The following TRAF5 variants were observed in gnomAD, a reference collection of about 807,000 sequenced individuals.
TRAF5 encodes the protein TNF receptor associated factor 5.
Under a neutral mutation model 64.5 loss-of-function variants are expected in TRAF5, and 48 were observed. The observed-to-expected ratio is 0.74, with a 90% CI of 0.59 to 0.95. The LOEUF is 0.95. Among genes scored for constraint, TRAF5 ranks in the 40% least tolerant of loss-of-function variants. The probability of loss-of-function intolerance (pLI) is 0.00; values close to 1 mark genes in which losing one functional copy is unlikely to be tolerated. For missense variants in TRAF5, 545 were observed against 662.8 expected (o/e 0.82, Z 1.95); for synonymous variants, 206 against 240.5 (o/e 0.86, Z 1.33).
At chr1:211,340,386 G>A (rs571194165) in intron 1 of TRAF5, among the ~76,000 whole-genome samples, 1 of 152,292 alleles carries the variant, frequency 6.6e-6, no homozygotes, top group East Asian at 1.9e-4. Context: ...TTGGGTTCAA[G>A]TGATTCTCCT....
At chr1:211,326,724 C>T (rs937759531), upstream of TRAF5, 8 of 986,040 alleles carry the variant, frequency 8.1e-6, no homozygotes, top group Non-Finnish European at 7.2e-6. This position sits in a 1 kb window ranked among gnomAD's most constrained non-coding sequence, Gnocchi z 5.0. Context: ...TCCTCCCGAC[C>T]CCTTCCTGCG....
At chr1:211,361,396 T>G (rs568386154) in intron 7 of TRAF5, among the ~76,000 whole-genome samples, 5 of 152,294 alleles carry the variant, frequency 3.3e-5, no homozygotes, top group African/African-American at 1.2e-4. Context: ...AAGTCCAAAA[T>G]CTGCAGGGCA....
chr1:211,334,946 C>T (rs1189611573), intron 1 of TRAF5, among the ~76,000 whole-genome samples: 1 of 152,210 alleles, frequency 6.6e-6, no homozygotes, highest in Non-Finnish European at 1.5e-5. Context: ...AACCAGAAGA[C>T]CTGGGTTTCA....
rs115867302 is a variant in TRAF5, at chr1:211,335,066, T to C, written c.-2+8177T>C. Among the ~76,000 whole-genome samples the C allele has an allele frequency of 4.5e-3, 692 of 152,322 alleles. 3 individuals are homozygous for C. Among genetic ancestry groups the C allele is most frequent in the Non-Finnish European group, 7.7e-3 (525 of 68,026 alleles). On this transcript the variant is annotated intron_variant, in intron 1 of 10. Transcript: ENST00000261464. ...CTTGCTTGTAGGTCTCAATGGTGAC[T>C]AAAGACCAAAGGAAATGATATAGTT...
chr1:211,360,837 TGTG>T (rs2102757190), intron 6 of TRAF5, 58 bp downstream of exon 6: 1 of 1,503,754 alleles, frequency 6.7e-7, no homozygotes, highest in East Asian at 2.3e-5. Context: ...TAGTAATCAT[TGTG>T]GTCTGTGTTT....
At position 211,361,232 on chromosome 1, in the gene TRAF5, C is replaced by T. The variant is rs890178645; in HGVS notation, c.696+70C>T. The T allele has an allele frequency of 1.5e-4, 206 of 1,389,702 alleles. 1 individual carries two copies. The highest frequency in any genetic ancestry group is 1.5e-4 in the Non-Finnish European group (151 of 979,584). 86.1% of individuals were successfully genotyped at this position (1,389,702 alleles called of 1,614,324 possible). A position where few individuals can be genotyped will look rare whatever the true frequency, so the allele number is the denominator to read the frequency against. On this transcript the variant is annotated intron_variant, in intron 7 of 10. Transcript: ENST00000261464. ...ATTCACTTGGCAAGTTCAGTTTACTCTCTGTTCCATCGAGGATGGAGAAAG... is the reference window on the plus strand; with the variant it reads ...ATTCACTTGGCAAGTTCAGTTTACTTTCTGTTCCATCGAGGATGGAGAAAG...
chr1:211,328,098 G>T (rs1363516614), intron 1 of TRAF5, among the ~76,000 whole-genome samples: 1 of 152,218 alleles, frequency 6.6e-6, no homozygotes, highest in Admixed American at 6.5e-5. Context: ...ATTTTAGGCA[G>T]CAAAAGGCTG....
chr1:211,342,733 C>T (rs1488066520), intron 1 of TRAF5, among the ~76,000 whole-genome samples: 1 of 152,198 alleles, frequency 6.6e-6, no homozygotes, highest in East Asian at 1.9e-4. Context: ...TTTTAGCTCC[C>T]ACAAACAAGA....
intron 1 of TRAF5, among the ~76,000 whole-genome samples, chr1:211,341,753 G>A (rs1381111535): frequency 6.6e-6 from 1 of 152,228 alleles, no homozygotes; most frequent in African/African-American, 2.4e-5. Flanking sequence ...TTGGGCCCAT[G>A]TGCTGCATTT....
intron 8 of TRAF5, among the ~76,000 whole-genome samples, chr1:211,368,354 A>C (rs1415358131): frequency 6.6e-6 from 1 of 152,212 alleles, no homozygotes; most frequent in African/African-American, 2.4e-5. Context: ...AACAAGACTA[A>C]AGCCAGGGAG....
At position 211,356,467 on chromosome 1, in the gene TRAF5, A is replaced by G; in HGVS notation, c.377A>G (p.Gln126Arg). 1 of 1,613,876 alleles carries G rather than the reference A, an allele frequency of 6.2e-7. No homozygotes were observed. Among genetic ancestry groups the G allele is most frequent in the Non-Finnish European group, 8.5e-7 (1 of 1,179,754 alleles). ...CNAKVILGRY[Q>R]DHLQQCLFQP... Reference sequence around the variant, plus strand: ...GCCAAGGTTATTCTGGGCCGGTACCAGGTTGGTATTACTCATGAACGATAT... The same window carrying G: ...GCCAAGGTTATTCTGGGCCGGTACCGGGTTGGTATTACTCATGAACGATAT... Residue 126 changes from glutamine to arginine, a missense_variant and splice_region_variant, in exon 4 of 11, where the codon CAG becomes CGG. Gln to Arg is a conservative substitution (Grantham distance 43, BLOSUM62 1). Transcript: ENST00000261464.
At chr1:211,332,112 A>G (rs1702171926) in intron 1 of TRAF5, among the ~76,000 whole-genome samples, 1 of 152,202 alleles carries the variant, frequency 6.6e-6, no homozygotes, top group South Asian at 2.1e-4. Context: ...CAGAGGGGCC[A>G]GGCAGCCTCA....
At position 211,353,435 on chromosome 1, in the gene TRAF5, C is replaced by A; in HGVS notation, c.196C>A (p.Gln66Lys). The stretch of plus-strand genomic sequence containing the variant: ...GACAGGATGTGGGCACCGCTTCTGC[C>A]AGCACTGCATCCTGTCCCTGAGGTG... ...HQTGCGHRFC[Q>K]HCILSLRELN... Residue 66 changes from glutamine (Q) to lysine (K), a missense_variant, in exon 2 of 11, where the codon CAG (glutamine) becomes AAG (lysine). Gln to Lys is a moderately conservative substitution (Grantham distance 53). Coordinates refer to ENST00000261464, the MANE Select transcript of TRAF5 (RefSeq NM_001033910.3). 1 of 1,613,594 alleles carries A rather than the reference C, an allele frequency of 6.2e-7. No individual in the cohort carries two copies. The highest frequency in any genetic ancestry group is 8.5e-7 in the Non-Finnish European group (1 of 1,179,990).
intron 4 of TRAF5, chr1:211,358,133 T>C (rs1429601141): frequency 1.3e-5 from 2 of 152,180 alleles, no homozygotes; most frequent in African/African-American, 4.8e-5. Context: ...AGCATCACAA[T>C]AACTGCAGTG....
At chr1:211,359,778 C>T in intron 4 of TRAF5, 134 bp from the exon 5 acceptor site, 2 of 970,482 alleles carry the variant, frequency 2.1e-6, no homozygotes, top group South Asian at 1.7e-5. Flanking sequence ...AGAGCCTACC[C>T]TCTGCCTTGC....
chr1:211,336,358 G>A, intron 1 of TRAF5, among the ~76,000 whole-genome samples: 1 of 152,198 alleles, frequency 6.6e-6, no homozygotes, highest in East Asian at 1.9e-4. Flanking sequence ...TCACATTAGT[G>A]TGTCAGAGGG....
chr1:211,356,189 T>C (rs1209531949), intron 3 of TRAF5, among the ~76,000 whole-genome samples, 178 bp from the exon 4 acceptor site: 4 of 152,246 alleles, frequency 2.6e-5, no homozygotes, highest in Non-Finnish European at 4.4e-5. Flanking sequence ...GTCAAAAGCA[T>C]GTATCTGAGA....
chr1:211,363,110 T>A (rs1008712273), intron 7 of TRAF5, among the ~76,000 whole-genome samples: 3 of 152,130 alleles, frequency 2.0e-5, no homozygotes, highest in Non-Finnish European at 2.9e-5. Context: ...TTATGATATC[T>A]CACTTTTTTT....
chr1:211,339,217 T>C (rs1160095627), intron 1 of TRAF5, among the ~76,000 whole-genome samples: 2 of 152,230 alleles, frequency 1.3e-5, no homozygotes, highest in Non-Finnish European at 2.9e-5. Context: ...GCCACAGGGT[T>C]AGTGTGGAAC....
Sources: gnomAD v4.1 joint callset for allele counts (sites outside exome capture counted in the v4.1 genomes callset) on GRCh38, gnomAD v4.1.1 for gene constraint, Gnocchi (gnomAD v3.1) non-coding constraint, MANE v1.5 for transcripts, NCBI Gene and HGNC (gene_info 2026-07-23, HGNC 2026-07-21) for gene names.